The following CLEC11A variants were observed in gnomAD, a reference collection of about 807,000 sequenced individuals.
CLEC11A encodes C-type lectin domain containing 11A, also known as C-type lectin domain family 11 member A.
A neutral mutation model predicts 33.9 loss-of-function variants in CLEC11A; 35 were observed. That is an observed-to-expected ratio of 1.03 (90% CI 0.79 to 1.37). CLEC11A has a LOEUF of 1.37. Ranked by LOEUF, CLEC11A falls within the 40% of genes most tolerant of loss-of-function variation. The pLI is 0.00. For missense variants in CLEC11A, 519 were observed against 455.5 expected, an observed-to-expected ratio of 1.14 and a Z score of -1.27; for synonymous variants, 220 against 202.2, an observed-to-expected ratio of 1.09 and a Z score of -0.75.
chr19:50,724,923 T>TG lies in CLEC11A; in HGVS notation c.527-97dup. ...CCTCCCAGCCCTCCCCATGAGTTCCTGGCCCCGCCTCCCTCCACCCCCGGA... is the reference window on the plus strand; with the variant it reads ...CCTCCCAGCCCTCCCCATGAGTTCCTGGGCCCCGCCTCCCTCCACCCCCGGA... On this transcript the variant is annotated intron_variant, in intron 3 of 3. Coordinates refer to ENST00000250340, the MANE Select transcript of CLEC11A (RefSeq NM_002975.3). The surrounding 1 kb of genome is among the most constrained non-coding windows in gnomAD (Gnocchi z 4.1). 2.9e-6 allele frequency: 4 copies of TG among 1,386,678 alleles called. No homozygotes were observed. The highest frequency in any genetic ancestry group is 3.7e-6 in the Non-Finnish European group (4 of 1,071,768). 85.9% of individuals were successfully genotyped at this position (1,386,678 alleles called of 1,614,324 possible).
rs781469240 is a variant in CLEC11A, at chr19:50,724,368, T to C, written c.335-42T>C. On this transcript the variant is annotated intron_variant, in intron 2 of 3. Coordinates refer to ENST00000250340, the MANE Select transcript of CLEC11A (RefSeq NM_002975.3). The surrounding 1 kb of genome is among the most constrained non-coding windows in gnomAD (Gnocchi z 4.1). ...CCAGGTCCTCAGGCCCCCCGCTGCA[T>C]CTCCAGGCTCCCCCTCCAGCATGAT... 2.0e-5 allele frequency: 27 copies of C among 1,369,606 alleles called. No homozygotes were observed. The highest frequency in any genetic ancestry group is 2.5e-5 in the Non-Finnish European group (26 of 1,056,366). The allele number at this position is 1,369,606 out of a possible 1,614,324, so 84.8% of individuals were successfully genotyped here.
chr19:50,725,308 G>T lies in CLEC11A; in HGVS notation c.813G>T (p.Glu271Asp). The T allele has an allele frequency of 6.2e-7, 1 of 1,611,954 alleles. No homozygotes were observed. The highest frequency in any genetic ancestry group is 8.5e-7 in the Non-Finnish European group (1 of 1,179,416). ...FFAWHRSPRP[E>D]LGAQPSASPH... ...CCTGGCATCGCTCACCCCGCCCCGAGCTCGGCGCCCAGCCCAGCGCCTCGC... is the reference window on the plus strand; with the variant it reads ...CCTGGCATCGCTCACCCCGCCCCGATCTCGGCGCCCAGCCCAGCGCCTCGC... Residue 271 changes from glutamate (E) to aspartate (D), a missense_variant, in exon 4 of 4, where the codon GAG becomes GAT. Physicochemically the swap from Glu to Asp is conservative, Grantham distance 45. Transcript: ENST00000250340.
At position 50,724,608 on chromosome 19, in the gene CLEC11A, C is replaced by T; in HGVS notation, c.526+7C>T. 4.3e-6 allele frequency: 6 copies of T among 1,395,846 alleles called. No individual in the cohort carries two copies. Among genetic ancestry groups the T allele is most frequent in the Non-Finnish European group, 5.6e-6 (6 of 1,079,244 alleles). The allele number at this position is 1,395,846 out of a possible 1,614,324, so 86.5% of individuals were successfully genotyped here. On this transcript the variant is annotated splice_region_variant and intron_variant, in intron 3 of 3. Transcript: ENST00000250340. The surrounding 1 kb of genome is among the most constrained non-coding windows in gnomAD (Gnocchi z 4.1). ...GAGCACGGCCGCTTGGAGGGTGAGT[C>T]CGCGGCGCGCGGGGTGGAAAAAAAT...
Position 50,724,842 on chromosome 19 carries a change from C to A in CLEC11A, c.527-180C>A. On this transcript the variant is annotated intron_variant, in intron 3 of 3. Transcript: ENST00000250340. This position sits in a 1 kb window ranked among gnomAD's most constrained non-coding sequence, Gnocchi z 4.1. ...CAGTCCAGCTCCCACCGCCTGGCCC[C>A]GCCCCTGGCGGACCAGACTCTCCAC... 7.2e-7 allele frequency: 1 copy of A among 1,388,798 alleles called. No homozygotes were observed. The highest frequency in any genetic ancestry group is 9.3e-7 in the Non-Finnish European group (1 of 1,073,922). The allele number at this position is 1,388,798 out of a possible 1,614,324, so 86.0% of individuals were successfully genotyped here.
Position 50,723,414 on chromosome 19 carries a change from G to GTATCATTAAAAAA in CLEC11A, c.-112_-111insTATCATTAAAAAA. The GTATCATTAAAAAA allele has an allele frequency of 9.2e-7, 1 of 1,082,356 alleles. No homozygotes were observed. Among genetic ancestry groups the GTATCATTAAAAAA allele is most frequent in the Admixed American group, 2.0e-5 (1 of 49,728 alleles). 67.0% of individuals were successfully genotyped at this position (1,082,356 alleles called of 1,614,324 possible). A position where few individuals can be genotyped will look rare whatever the true frequency, so the allele number is the denominator to read the frequency against. On this transcript the variant is annotated 5_prime_UTR_variant, in exon 1 of 4. Transcript: ENST00000250340. The surrounding 1 kb of genome is among the most constrained non-coding windows in gnomAD (Gnocchi z 4.1). ...GAGAAGCTGGGAGAATCGGGAACCT[G>GTATCATTAAAAAA]GGGGCTAGTGACCTGCACACAGGGC...
At position 50,725,444 on chromosome 19, in the gene CLEC11A, T is replaced by TA. The variant is rs1420836642; in HGVS notation, c.950dup (p.Tyr317Ter). 3 of 1,603,082 alleles carry TA rather than the reference T, an allele frequency of 1.9e-6. No homozygotes were observed. In the African/African-American group the frequency reaches 4.0e-5, roughly 22 times the overall value. Residue 317 changes from tyrosine (Y) to a stop codon, truncating the protein, a stop_gained and frameshift_variant, in exon 4 of 4, where the codon TAC becomes TAAC. Transcript: ENST00000250340. LOFTEE classifies it high-confidence loss of function. ...WDHDCQRRLY[Y>*]VCEFPF ...CCACGACTGCCAGCGGCGTCTCTACTACGTCTGCGAGTTCCCCTTCTAGCG... is the reference window on the plus strand; with the variant it reads ...CCACGACTGCCAGCGGCGTCTCTACTAACGTCTGCGAGTTCCCCTTCTAGCG...
rs1355249380 is a variant in CLEC11A, at chr19:50,724,970, C to G, written c.527-52C>G. 1 of 1,432,640 alleles carries G rather than the reference C, an allele frequency of 7.0e-7. No homozygotes were observed. Among genetic ancestry groups the G allele is most frequent in the Non-Finnish European group, 9.1e-7 (1 of 1,096,168 alleles). The allele number at this position is 1,432,640 out of a possible 1,614,324, so 88.7% of individuals were successfully genotyped here. On this transcript the variant is annotated intron_variant, in intron 3 of 3. Transcript: ENST00000250340. This position sits in a 1 kb window ranked among gnomAD's most constrained non-coding sequence, Gnocchi z 4.1. ...CGGATGTTTTGTCCTCGCCCCCTTC[C>G]AGACTCTGAATGCATGACCCCGCCT...
At position 50,724,321 on chromosome 19, in the gene CLEC11A, A is replaced by AC; in HGVS notation, c.335-89_335-88insC. On this transcript the variant is annotated intron_variant, in intron 2 of 3. Coordinates refer to ENST00000250340, the MANE Select transcript of CLEC11A (RefSeq NM_002975.3). The surrounding 1 kb of genome is among the most constrained non-coding windows in gnomAD (Gnocchi z 4.1). ...CCCCCCCCACCGCCACCCCGCCCTCAGGAGCCCTAGATCCCAGTTCTCCAG... is the reference window on the plus strand; with the variant it reads ...CCCCCCCCACCGCCACCCCGCCCTCACGGAGCCCTAGATCCCAGTTCTCCAG... 2 of 955,698 alleles carry AC rather than the reference A, an allele frequency of 2.1e-6. No individual in the cohort carries two copies. The highest frequency in any genetic ancestry group is 2.8e-6 in the Non-Finnish European group (2 of 708,316). 59.2% of individuals were successfully genotyped at this position (955,698 alleles called of 1,614,324 possible). A position where few individuals can be genotyped will look rare whatever the true frequency, so the allele number is the denominator to read the frequency against.
chr19:50,724,229 C>G lies in CLEC11A; in HGVS notation c.334+138C>G. 1 of 1,428,974 alleles carries G rather than the reference C, an allele frequency of 7.0e-7. No homozygotes were observed. The highest frequency in any genetic ancestry group is 1.4e-5 in the African/African-American group (1 of 69,634). The allele number at this position is 1,428,974 out of a possible 1,614,324, so 88.5% of individuals were successfully genotyped here. A position where few individuals can be genotyped will look rare whatever the true frequency, so the allele number is the denominator to read the frequency against. ...CAGAGCCCCCACACCCCTAGGAGCC[C>G]CAGGTCCACGGCCATGCCTCCTAAA... is the stretch of plus-strand genomic sequence containing the variant. On this transcript the variant is annotated intron_variant, in intron 2 of 3. Transcript: ENST00000250340. This position sits in a 1 kb window ranked among gnomAD's most constrained non-coding sequence, Gnocchi z 4.1.
In CLEC11A at chr19:50,724,394, C is replaced by T. The variant is rs1288332481; in HGVS notation, c.335-16C>T. On this transcript the variant is annotated splice_polypyrimidine_tract_variant and intron_variant, in intron 2 of 3. Transcript: ENST00000250340. This position sits in a 1 kb window ranked among gnomAD's most constrained non-coding sequence, Gnocchi z 4.1. Reference sequence around the variant, plus strand: ...CTCCAGGCTCCCCCTCCAGCATGATCCCTGTCTGTCCGCAGTGGGCCGCCT... The same window carrying T: ...CTCCAGGCTCCCCCTCCAGCATGATTCCTGTCTGTCCGCAGTGGGCCGCCT... The T allele has an allele frequency of 6.7e-7, 1 of 1,486,924 alleles. No homozygotes were observed. Among genetic ancestry groups the T allele is most frequent in the Non-Finnish European group, 8.9e-7 (1 of 1,125,270 alleles). The allele number at this position is 1,486,924 out of a possible 1,614,324, so 92.1% of individuals were successfully genotyped here. A position where few individuals can be genotyped will look rare whatever the true frequency, so the allele number is the denominator to read the frequency against.
chr19:50,724,160 T>C lies in CLEC11A; in HGVS notation c.334+69T>C. On this transcript the variant is annotated intron_variant, in intron 2 of 3. Transcript: ENST00000250340. The surrounding 1 kb of genome is among the most constrained non-coding windows in gnomAD (Gnocchi z 4.1). Reference sequence around the variant, plus strand: ...CGGTCACTTTCGCAAAAATGAAGGGTCGGTTCACTGCCAAGTGGCCTTTCA... The same window carrying C: ...CGGTCACTTTCGCAAAAATGAAGGGCCGGTTCACTGCCAAGTGGCCTTTCA... 6 of 1,601,756 alleles carry C rather than the reference T, an allele frequency of 3.7e-6. No homozygotes were observed. Among genetic ancestry groups the C allele is most frequent in the Non-Finnish European group, 5.1e-6 (6 of 1,176,416 alleles).
rs1431279948 is a variant in CLEC11A at position 50,723,584 on chromosome 19, A to C, written c.59A>C (p.His20Pro). The change falls in exon 1 of 4, where the codon CAT (histidine) becomes CCT (proline). Residue 20 changes from histidine (H) to proline (P), a missense_variant. Coordinates refer to ENST00000250340, the MANE Select transcript of CLEC11A (RefSeq NM_002975.3). The surrounding 1 kb of genome is among the most constrained non-coding windows in gnomAD (Gnocchi z 4.1). ...GTCCCCCAGCTCTTGGGCTTTGGCC[A>C]TGGGGCTCGGGGAGCAGAGAGGGAG... ...LVVPQLLGFG[H>P]GARGAEREWE... 1 of 1,612,212 alleles carries C rather than the reference A, an allele frequency of 6.2e-7. No homozygotes were observed. The highest frequency in any genetic ancestry group is 1.3e-5 in the African/African-American group (1 of 74,970).
chr19:50,724,940 A>T lies in CLEC11A; in HGVS notation c.527-82A>T. 1 of 796,892 alleles carries T rather than the reference A, an allele frequency of 1.3e-6. No homozygotes were observed. Among genetic ancestry groups the T allele is most frequent in the South Asian group, 3.0e-5 (1 of 33,288 alleles). The allele number at this position is 796,892 out of a possible 1,614,324, so 49.4% of individuals were successfully genotyped here. ...TGAGTTCCTGGCCCCGCCTCCCTCC[A>T]CCCCCGGATGTTTTGTCCTCGCCCC... On this transcript the variant is annotated intron_variant, in intron 3 of 3. Coordinates refer to ENST00000250340, the MANE Select transcript of CLEC11A (RefSeq NM_002975.3). This position sits in a 1 kb window ranked among gnomAD's most constrained non-coding sequence, Gnocchi z 4.1.
chr19:50,724,070 G>A lies in CLEC11A; in HGVS notation c.313G>A (p.Glu105Lys). 1 of 1,613,008 alleles carries A rather than the reference G, an allele frequency of 6.2e-7. No individual in the cohort carries two copies. Among genetic ancestry groups the A allele is most frequent in the Non-Finnish European group, 8.5e-7 (1 of 1,179,508 alleles). The change falls in exon 2 of 4, where the codon GAG becomes AAG. Residue 105 changes from glutamate (E) to lysine (K), a missense_variant. Glu to Lys is a moderately conservative substitution (Grantham distance 56). Coordinates refer to ENST00000250340, the MANE Select transcript of CLEC11A (RefSeq NM_002975.3). This position sits in a 1 kb window ranked among gnomAD's most constrained non-coding sequence, Gnocchi z 4.1. ...CGGCCCCAGCCCCTCTCCCACCCCT[G>A]AGGACATCGTCACTTACATCCGTGA... ...SSGPSPSPTP[E>K]DIVTYILGRL...
chr19:50,723,949 G>GA lies in CLEC11A; in HGVS notation c.194dup (p.Asn65LysfsTer7), dbSNP rs774012963. ...GACTGCCTGCTGGGAGGGGGGATGA[G>GA]AATCCTGCCGGAACTGTTGAGGGAA... is the stretch of plus-strand genomic sequence containing the variant. On this transcript the variant is annotated frameshift_variant, in exon 2 of 4. Transcript: ENST00000250340. LOFTEE classifies it high-confidence loss of function. The surrounding 1 kb of genome is among the most constrained non-coding windows in gnomAD (Gnocchi z 4.1). The GA allele has an allele frequency of 6.2e-7, 1 of 1,613,644 alleles. No individual in the cohort carries two copies. The highest frequency in any genetic ancestry group is 8.5e-7 in the Non-Finnish European group (1 of 1,179,848).
In CLEC11A at chr19:50,724,586, C is replaced by G. The variant is rs1290378025; in HGVS notation, c.511C>G (p.His171Asp). 1 of 1,422,722 alleles carries G rather than the reference C, an allele frequency of 7.0e-7. No individual in the cohort carries two copies. The allele number at this position is 1,422,722 out of a possible 1,614,324, so 88.1% of individuals were successfully genotyped here. A position where few individuals can be genotyped will look rare whatever the true frequency, so the allele number is the denominator to read the frequency against. ...GGCGCAGGGTCGCGCCGAGCGCGAG[C>G]ACGGCCGCTTGGAGGGTGAGTCCGC... is the stretch of plus-strand genomic sequence containing the variant. Reference protein sequence around the residue: ...QEAQGRAEREHGRLEGCLKGL... With the variant: ...QEAQGRAEREDGRLEGCLKGL... The change falls in exon 3 of 4, where the codon CAC becomes GAC. Residue 171 changes from histidine to aspartate, a missense_variant. Transcript: ENST00000250340. This position sits in a 1 kb window ranked among gnomAD's most constrained non-coding sequence, Gnocchi z 4.1.
rs759751080 is a variant in CLEC11A at position 50,725,168 on chromosome 19, C to G, written c.673C>G (p.Arg225Gly). The G allele has an allele frequency of 3.8e-6, 6 of 1,574,296 alleles. No homozygotes were observed. Among genetic ancestry groups the G allele is most frequent in the South Asian group, 1.2e-5 (1 of 86,454 alleles). Residue 225 changes from arginine (R) to glycine (G), a missense_variant, in exon 4 of 4, where the codon CGG (arginine) becomes GGG (glycine). Coordinates refer to ENST00000250340, the MANE Select transcript of CLEC11A (RefSeq NM_002975.3). The part of the protein sequence containing the change: ...ADRQQMEALT[R>G]YLRAALAPYN... Reference sequence around the variant, plus strand: ...CCGCCAGCAGATGGAGGCGCTCACTCGGTACCTGCGCGCGGCGCTCGCTCC... The same window carrying G: ...CCGCCAGCAGATGGAGGCGCTCACTGGGTACCTGCGCGCGGCGCTCGCTCC...
chr19:50,723,665 T>C lies in CLEC11A; in HGVS notation c.140T>C (p.Met47Thr). 5.0e-6 allele frequency: 8 copies of C among 1,584,322 alleles called. No homozygotes were observed. Among genetic ancestry groups the C allele is most frequent in the Non-Finnish European group, 6.9e-6 (8 of 1,166,970 alleles). ...GAGGAGCGGGAGAGGGAGGCCCTGATGCTGAAGGTGAGCTCTGGAGTGTCA... is the reference window on the plus strand; with the variant it reads ...GAGGAGCGGGAGAGGGAGGCCCTGACGCTGAAGGTGAGCTCTGGAGTGTCA... ...QEEEREREAL[M>T]LKHLQEALGL... is the part of the protein sequence containing the mutation. Residue 47 changes from methionine to threonine, a missense_variant, in exon 1 of 4, where the codon ATG becomes ACG. Met to Thr is a moderately conservative substitution (Grantham distance 81). Coordinates refer to ENST00000250340, the MANE Select transcript of CLEC11A (RefSeq NM_002975.3). The surrounding 1 kb of genome is among the most constrained non-coding windows in gnomAD (Gnocchi z 4.1).
At position 50,724,683 on chromosome 19, in the gene CLEC11A, G is replaced by A; in HGVS notation, c.526+82G>A. 7.6e-7 allele frequency: 1 copy of A among 1,318,564 alleles called. No individual in the cohort carries two copies. Among genetic ancestry groups the A allele is most frequent in the Non-Finnish European group, 9.8e-7 (1 of 1,016,948 alleles). 81.7% of individuals were successfully genotyped at this position (1,318,564 alleles called of 1,614,324 possible). ...ACTGGTTGAGAAGGTGACCCTAGGTGTCCGGGGCGGGAGAGTTCGGGAGAG... is the reference window on the plus strand; with the variant it reads ...ACTGGTTGAGAAGGTGACCCTAGGTATCCGGGGCGGGAGAGTTCGGGAGAG... On this transcript the variant is annotated intron_variant, in intron 3 of 3. Transcript: ENST00000250340. The surrounding 1 kb of genome is among the most constrained non-coding windows in gnomAD (Gnocchi z 4.1).
Sources: allele counts gnomAD v4.1 joint callset, GRCh38; gene constraint gnomAD v4.1.1; non-coding constraint Gnocchi (gnomAD v3.1); transcripts MANE v1.5; gene names NCBI Gene and HGNC (gene_info 2026-07-23, HGNC 2026-07-21).